ARID1B: variants seen among roughly 807,000 people sequenced by gnomAD.
The protein encoded by ARID1B is AT-rich interactive domain-containing protein 1B.
ARID1B carries 30 observed loss-of-function variants against 212.3 expected under a neutral mutation model. That is an observed-to-expected ratio of 0.14 (90% CI 0.11 to 0.19). The LOEUF (loss-of-function observed/expected upper bound fraction) is 0.19, where lower values mean the gene tolerates loss of function less well. Ranked by LOEUF, ARID1B falls within the 10% of genes least tolerant of loss-of-function variation. ARID1B has a pLI of 1.00. For synonymous variants in ARID1B, 1,402 were observed against 1,301.7 expected (o/e 1.08, Z -1.66); for missense variants, 2,891 against 3,204.0 (o/e 0.90, Z 2.36).
intron 1 of ARID1B, among the ~76,000 whole-genome samples, chr6:156,783,731 A>T (rs940315128): frequency 3.9e-5 from 6 of 152,040 alleles, no homozygotes; most frequent in Non-Finnish European, 7.4e-5. Flanking sequence ...CTCACTGGGG[A>T]TGTAAATTTT....
intron 4 of ARID1B, among the ~76,000 whole-genome samples, chr6:157,056,458 G>A (rs1210085800): frequency 6.6e-6 from 1 of 152,188 alleles, no homozygotes; most frequent in Admixed American, 6.5e-5. Flanking sequence ...CTGAACCTTT[G>A]CCATAGAGTG....
At chr6:156,973,639 A>G (rs1036154815) in intron 4 of ARID1B, among the ~76,000 whole-genome samples, 3 of 152,204 alleles carry the variant, frequency 2.0e-5, no homozygotes, top group African/African-American at 7.2e-5. Flanking sequence ...AAAATTCTAT[A>G]TTAGTTTACT....
Position 157,208,403 on chromosome 6 carries a change from A to G in ARID1B, c.*512A>G, listed in dbSNP as rs757700329. 1.6e-4 allele frequency: 38 copies of G among 233,496 alleles called. No individual in the cohort carries two copies. The highest frequency in any genetic ancestry group is 2.6e-4 in the Non-Finnish European group (31 of 117,998). The allele number at this position is 233,496 out of a possible 1,614,324, so 14.5% of individuals were successfully genotyped here. ...CTGTGCAATAGAAATTTCTACAGAT[A>G]CAGGTATAGGGGCTCAAGGAGGTAT... On this transcript the variant is annotated 3_prime_UTR_variant, in exon 20 of 20. Coordinates refer to ENST00000636930, the MANE Select transcript of ARID1B (RefSeq NM_001374828.1).
At chr6:157,107,949 C>G (rs1446009746) in intron 5 of ARID1B, 1 of 152,162 alleles carries the variant, frequency 6.6e-6, no homozygotes, top group South Asian at 2.1e-4. Flanking sequence ...ACAAATGAGT[C>G]TTCTGTTATC....
At chr6:156,846,185 C>T (rs934793581) in intron 2 of ARID1B, among the ~76,000 whole-genome samples, 2 of 151,834 alleles carry the variant, frequency 1.3e-5, no homozygotes, top group East Asian at 1.9e-4. Context: ...GACAGAGTCT[C>T]ACTCTGTCAC....
chr6:156,900,485 T>A (rs532446018), intron 2 of ARID1B, among the ~76,000 whole-genome samples: 1 of 152,320 alleles, frequency 6.6e-6, no homozygotes, highest in South Asian at 2.1e-4. Flanking sequence ...GTTCTTGAAG[T>A]TCTCCAGTGG....
intron 4 of ARID1B, among the ~76,000 whole-genome samples, chr6:156,946,052 C>G (rs1164573562): frequency 6.6e-6 from 1 of 151,896 alleles, no homozygotes; most frequent in Non-Finnish European, 1.5e-5. Flanking sequence ...ACACTAGAAA[C>G]TGCTAGTAAA....
intron 4 of ARID1B, among the ~76,000 whole-genome samples, chr6:157,056,061 C>A (rs1033999412): frequency 6.6e-6 from 1 of 152,124 alleles, no homozygotes; most frequent in South Asian, 2.1e-4. Context: ...TGATTAGGGA[C>A]CTTAATTACA....
At chr6:156,833,321 C>T (rs990693817) in intron 2 of ARID1B, among the ~76,000 whole-genome samples, 1 of 151,948 alleles carries the variant, frequency 6.6e-6, no homozygotes, top group Non-Finnish European at 1.5e-5. Flanking sequence ...AAATGTACAC[C>T]TAGGCCTTTA....
intron 4 of ARID1B, chr6:157,036,968 T>C (rs1036029513): frequency 4.8e-6 from 2 of 417,514 alleles, no homozygotes; most frequent in East Asian, 1.1e-4. Flanking sequence ...ATTTTTTTTT[T>C]AATCATAATC....
chr6:156,923,029 G>T (rs1337173935), intron 3 of ARID1B, among the ~76,000 whole-genome samples: 2 of 152,204 alleles, frequency 1.3e-5, no homozygotes, highest in African/African-American at 2.4e-5. Flanking sequence ...TGAGATGCCA[G>T]TGCAGGGCCA....
intron 8 of ARID1B, among the ~76,000 whole-genome samples, chr6:157,154,862 T>G (rs372139875): frequency 1.3e-5 from 2 of 152,354 alleles, no homozygotes; most frequent in East Asian, 3.9e-4. Flanking sequence ...ATTACAGGCA[T>G]GAGCTACTGC....
intron 3 of ARID1B, among the ~76,000 whole-genome samples, chr6:156,916,614 T>C (rs914083445): frequency 1.1e-4 from 17 of 152,156 alleles, no homozygotes; most frequent in African/African-American, 3.6e-4. Context: ...TTTGTTTTGC[T>C]CTAACGTTTC....
chr6:156,782,522 C>G (rs1051413032), intron 1 of ARID1B, among the ~76,000 whole-genome samples: 1 of 152,062 alleles, frequency 6.6e-6, no homozygotes, highest in Non-Finnish European at 1.5e-5. Flanking sequence ...TCCATAAATG[C>G]AGTTTTAACT....
intron 4 of ARID1B, among the ~76,000 whole-genome samples, chr6:156,965,420 G>C (rs1010531784): frequency 1.3e-5 from 2 of 152,158 alleles, no homozygotes; most frequent in Non-Finnish European, 2.9e-5. Flanking sequence ...TCCTTAAAAA[G>C]TATGGAAAAT....
chr6:157,042,190 G>A (rs889083305), intron 4 of ARID1B, among the ~76,000 whole-genome samples: 2 of 152,164 alleles, frequency 1.3e-5, no homozygotes, highest in South Asian at 4.1e-4. Context: ...TATGCATAAA[G>A]CCATGACAAA....
intron 4 of ARID1B, among the ~76,000 whole-genome samples, chr6:157,013,373 T>TA (rs1460254856): frequency 6.6e-6 from 1 of 152,218 alleles, no homozygotes; most frequent in African/African-American, 2.4e-5. Context: ...CCTATGGACT[T>TA]AGTACCATTC....
intron 4 of ARID1B, chr6:157,036,478 G>A (rs1781333683): frequency 4.4e-6 from 1 of 228,436 alleles, no homozygotes; most frequent in Admixed American, 5.2e-5. Context: ...CTCACTGTCT[G>A]TCAGTAAAAG....
chr6:156,867,918 G>A (rs1314105767), intron 2 of ARID1B, among the ~76,000 whole-genome samples: 1 of 152,188 alleles, frequency 6.6e-6, no homozygotes, highest in African/African-American at 2.4e-5. Context: ...TGTCCGAAAC[G>A]AGTTGCTGTA....
Sources: gnomAD v4.1 joint callset for allele counts (sites outside exome capture counted in the v4.1 genomes callset) on GRCh38, gnomAD v4.1.1 for gene constraint, MANE v1.5 for transcripts, NCBI Gene and HGNC (gene_info 2026-07-23, HGNC 2026-07-21) for gene names.